The following PNPLA4 variants were observed in gnomAD, a reference collection of about 807,000 sequenced individuals.
PNPLA4 encodes patatin like domain 4, phospholipase and triacylglycerol lipase.
Under a neutral mutation model 18.3 loss-of-function variants are expected in PNPLA4, and 15 were observed. The ratio of observed to expected loss-of-function variants is 0.82; its 90% CI spans 0.55 to 1.26. PNPLA4 has a LOEUF of 1.26. Ranked by LOEUF, PNPLA4 falls within the 50% of genes most tolerant of loss-of-function variation. PNPLA4 has a pLI of 0.00. For missense variants in PNPLA4, 229 were observed against 196.8 expected, an observed-to-expected ratio of 1.16 and a Z score of -0.98; for synonymous variants, 88 against 85.6, an observed-to-expected ratio of 1.03 and a Z score of -0.16.
intron 4 of PNPLA4, among the ~76,000 whole-genome samples, chrX:7,919,189 T>A (rs1383792505): frequency 2.7e-5 from 3 of 112,929 alleles, no homozygotes; most frequent in African/African-American, 9.7e-5. Context: ...CGTCATGTTT[T>A]CTTAACAGCA....
chrX:7,915,057 G>T (rs1923996032), intron 4 of PNPLA4, among the ~76,000 whole-genome samples: 1 of 111,644 alleles, frequency 9.0e-6, no homozygotes, highest in African/African-American at 3.3e-5. Flanking sequence ...TTTGTAGTCA[G>T]CTTACTGCCA....
chrX:7,917,148 A>G (rs1924071425), intron 4 of PNPLA4, among the ~76,000 whole-genome samples: 1 of 112,753 alleles, frequency 8.9e-6, no homozygotes, highest in Non-Finnish European at 1.9e-5. Flanking sequence ...CACAGTCCAC[A>G]AGGGTTTCAA....
At position 7,907,884 on chromosome X, in the gene PNPLA4, GC is replaced by G. The variant is rs1923756686; in HGVS notation, c.477+4143del. Reference sequence around the variant, plus strand: ...CTATAGGCACATGCCACTATGCCTGGCTAATTTTTGTTTTTTTTTTTTTGTA... The same window carrying G: ...CTATAGGCACATGCCACTATGCCTGGTAATTTTTGTTTTTTTTTTTTTGTA... On this transcript the variant is annotated intron_variant, in intron 5 of 6. Transcript: ENST00000381042. 7.6e-5 allele frequency among the ~76,000 whole-genome samples: 6 copies of G among 78,569 alleles called. No individual in the cohort carries two copies. The South Asian group carries it at 4.8e-3, about 63-fold the overall frequency. The allele number at this position is 78,569 out of a possible 115,157, so 68.2% of individuals were successfully genotyped here.
chrX:7,916,077 G>A (rs1356949963), intron 4 of PNPLA4, among the ~76,000 whole-genome samples: 6 of 111,471 alleles, frequency 5.4e-5, no homozygotes, highest in East Asian at 2.8e-4. Flanking sequence ...AGACCCTTTC[G>A]GAAAACACTT....
intron 4 of PNPLA4, among the ~76,000 whole-genome samples, chrX:7,913,585 A>C (rs1174068209): frequency 8.9e-6 from 1 of 112,666 alleles, no homozygotes; most frequent in Non-Finnish European, 1.9e-5. Flanking sequence ...CAAGTGTGAA[A>C]GGGTTCTATT....
intron 5 of PNPLA4, among the ~76,000 whole-genome samples, chrX:7,907,272 G>A (rs1283568525): frequency 8.9e-6 from 1 of 111,979 alleles, no homozygotes; most frequent in Non-Finnish European, 1.9e-5. Flanking sequence ...GCCCGCCTCA[G>A]CCTCCCAAAG....
At chrX:7,904,124 G>A (rs1923634752) in intron 5 of PNPLA4, among the ~76,000 whole-genome samples, 1 of 111,915 alleles carries the variant, frequency 8.9e-6, no homozygotes, top group Non-Finnish European at 1.9e-5. Context: ...AAGAAAGACA[G>A]CTTCCAAAAT....
At position 7,922,082 on chromosome X, in the gene PNPLA4, G is replaced by A. The variant is rs1448937768; in HGVS notation, c.197C>T (p.Thr66Ile). The A allele has an allele frequency of 8.3e-7, 1 of 1,198,222 alleles. No individual in the cohort carries two copies. The change falls in exon 3 of 7, where the codon ACC becomes ATC. Residue 66 changes from threonine (T) to isoleucine (I), a missense_variant. Thr to Ile is a moderately conservative substitution (Grantham distance 89). Transcript: ENST00000381042. ...TCTGATTTCTTCGGCAAACTTGTAG[G>A]TAAATTGGTTACATTCCTAAAAAAA... Reference protein sequence around the residue: ...PEKIEECNQFTYKFAEEIRRQ... With the variant: ...PEKIEECNQFIYKFAEEIRRQ...
intron 5 of PNPLA4, among the ~76,000 whole-genome samples, chrX:7,908,335 C>T (rs1340131236): frequency 1.8e-5 from 2 of 111,719 alleles, no homozygotes; most frequent in Non-Finnish European, 3.8e-5. Context: ...CAACTAAAGA[C>T]AACAAATACA....
rs1229377705 is a variant in PNPLA4 at position 7,898,784 on chromosome X, A to C, written c.*1902T>G. ...TGAACTTAAAATAAAAGTTAAAAAG[A>C]AAAGTACCATCCTCCCACAGGGTCA... On this transcript the variant is annotated 3_prime_UTR_variant, in exon 7 of 7. Transcript: ENST00000381042. 1 of 111,941 alleles carries C rather than the reference A, an allele frequency of 8.9e-6. No homozygotes were observed. Among genetic ancestry groups the C allele is most frequent in the East Asian group, 2.8e-4 (1 of 3,593 alleles). 9.2% of individuals were successfully genotyped at this position (111,941 alleles called of 1,213,427 possible).
At chrX:7,912,890 C>A (rs1270489868) in intron 4 of PNPLA4, among the ~76,000 whole-genome samples, 1 of 111,613 alleles carries the variant, frequency 9.0e-6, no homozygotes, top group African/African-American at 3.3e-5. Flanking sequence ...TTTTTTTCAT[C>A]ATACATTATT....
At chrX:7,921,600 G>A (rs745587027) in intron 4 of PNPLA4, 113 bp downstream of exon 4, 196 of 661,664 alleles carry the variant, frequency 3.0e-4, no homozygotes, top group Admixed American at 4.2e-4. Context: ...ACCATCTATC[G>A]GGCCTGGTAA....
intron 5 of PNPLA4, among the ~76,000 whole-genome samples, chrX:7,907,832 C>T (rs1162907784): frequency 9.2e-6 from 1 of 109,112 alleles, no homozygotes; most frequent in Non-Finnish European, 1.9e-5. Context: ...GGTGATCCTC[C>T]CACCTCGGCC....
intron 6 of PNPLA4, 107 bp from the exon 7 acceptor site, chrX:7,900,924 CA>C (rs1287781866): frequency 2.6e-5 from 16 of 626,129 alleles, no homozygotes; most frequent in African/African-American, 2.1e-4. Context: ...TTAGCAGTAA[CA>C]AAAAATCAGT....
upstream of PNPLA4, chrX:7,927,474 G>A (rs1292838861): frequency 8.8e-6 from 1 of 113,631 alleles, no homozygotes; most frequent in Non-Finnish European, 1.9e-5. Context: ...CGCCGACGAA[G>A]GCGCCCGCTA....
At chrX:7,915,086 G>C (rs1303250786) in intron 4 of PNPLA4, among the ~76,000 whole-genome samples, 1 of 111,271 alleles carries the variant, frequency 9.0e-6, no homozygotes, top group Admixed American at 9.6e-5. Flanking sequence ...CAGGCAAATA[G>C]AATTTCCTAA....
chrX:7,924,580 T>C (rs767881650), intron 2 of PNPLA4, among the ~76,000 whole-genome samples: 1 of 111,919 alleles, frequency 8.9e-6, no homozygotes, highest in Non-Finnish European at 1.9e-5. Context: ...CTTTTCATCA[T>C]ACCAGCACCA....
At chrX:7,919,426 G>A (rs752414388) in intron 4 of PNPLA4, among the ~76,000 whole-genome samples, 2 of 112,210 alleles carry the variant, frequency 1.8e-5, no homozygotes, top group Admixed American at 1.9e-4. Flanking sequence ...AAGGGCAGAT[G>A]CCCCCTTTTC....
rs1417289956 is a variant in PNPLA4, at chrX:7,913,180, C to T, written c.412-1087G>A. Among the ~76,000 whole-genome samples, 5 of 112,121 alleles carry T rather than the reference C, an allele frequency of 4.5e-5. No individual in the cohort carries two copies. The Admixed American group carries it at 4.7e-4, about 11-fold the overall frequency. ...AGGTACAGGGAACTTCCATAGCTTT[C>T]TTATGCAGTGGTTCTTCCTTGGACA... On this transcript the variant is annotated intron_variant, in intron 4 of 6. Coordinates refer to ENST00000381042, the MANE Select transcript of PNPLA4 (RefSeq NM_004650.3).
Sources: gnomAD v4.1 joint callset for allele counts (sites outside exome capture counted in the v4.1 genomes callset) on GRCh38, gnomAD v4.1.1 for gene constraint, MANE v1.5 for transcripts, NCBI Gene and HGNC (gene_info 2026-07-23, HGNC 2026-07-21) for gene names.